Variants in GATA6 observed in about 807,000 individuals in gnomAD.
The protein encoded by GATA6 is GATA binding protein 6.
Under a neutral mutation model 48.1 loss-of-function variants are expected in GATA6, and 11 were observed. The observed-to-expected ratio is 0.23, with a 90% CI of 0.14 to 0.38. The LOEUF (loss-of-function observed/expected upper bound fraction) is 0.38. Among genes scored for constraint, GATA6 ranks in the 10% least tolerant of loss-of-function variants. GATA6 has a pLI of 1.00. For synonymous variants in GATA6, 419 were observed against 396.1 expected, an observed-to-expected ratio of 1.06 and a Z score of -0.69; for missense variants, 795 against 850.3, an observed-to-expected ratio of 0.93 and a Z score of 0.81.
Position 22,171,910 on chromosome 18 carries a change from G to A in GATA6, c.766G>A (p.Ala256Thr), listed in dbSNP as rs1555628783. The change falls in exon 2 of 7, where the codon GCG becomes ACG. Residue 256 changes from alanine (A) to threonine (T), a missense_variant. Coordinates refer to ENST00000269216, the MANE Select transcript of GATA6 (RefSeq NM_005257.6). The surrounding 1 kb of genome is among the most constrained non-coding windows in gnomAD (Gnocchi z 7.1). ...AAGPGGAGSA[A>T]AHVSARFPYS... is the part of the protein sequence containing the mutation. ...GGGGCCTGGCGGCGCTGGCTCAGCC[G>A]CGGCGCACGTCTCGGCGCGCTTCCC... 2.6e-6 allele frequency: 3 copies of A among 1,165,436 alleles called. No individual in the cohort carries two copies. Among genetic ancestry groups the A allele is most frequent in the Non-Finnish European group, 3.2e-6 (3 of 945,886 alleles). The allele number at this position is 1,165,436 out of a possible 1,614,324, so 72.2% of individuals were successfully genotyped here. A position where few individuals can be genotyped will look rare whatever the true frequency, so the allele number is the denominator to read the frequency against.
chr18:22,182,775 A>C lies in GATA6; in HGVS notation c.1447A>C (p.Met483Leu). The part of the protein sequence containing the change: ...KLHGVPRPLA[M>L]KKEGIQTRKR... ...TTTTTAGGTGCCCAGACCACTTGCT[A>C]TGAAAAAAGAGGGAATTCAAACCAG... Residue 483 changes from methionine (M) to leucine (L), a missense_variant, in exon 5 of 7, where the codon ATG becomes CTG. Coordinates refer to ENST00000269216, the MANE Select transcript of GATA6 (RefSeq NM_005257.6). 6.2e-7 allele frequency: 1 copy of C among 1,614,024 alleles called. No homozygotes were observed. Among genetic ancestry groups the C allele is most frequent in the Non-Finnish European group, 8.5e-7 (1 of 1,179,930 alleles).
rs138696588 is a variant in GATA6 at position 22,176,320 on chromosome 18, C to A, written c.1136-635C>A. On this transcript the variant is annotated intron_variant, in intron 2 of 6. Transcript: ENST00000269216. ...CTGTGCTTAACGTTAGTGCATTTTT[C>A]CCCTGAAAAGATGAGAGTAATCTTC... Among the ~76,000 whole-genome samples the A allele has an allele frequency of 3.6e-3, 553 of 152,240 alleles. 7 individuals carry two copies. Among genetic ancestry groups the A allele is most frequent in the African/African-American group, 0.013 (537 of 41,538 alleles).
rs1406739610 is a variant in GATA6 at position 22,171,594 on chromosome 18, C to T, written c.450C>T (p.Thr150=). ...AGCAGCCGGAGGAGATGTACCAGAC[C>T]CTCGCCGCTCTCTCCAGCCAGGGTC... The part of the protein sequence containing the change: ...APEQPEEMYQ[T]LAALSSQGPA... Residue 150 remains threonine, a synonymous_variant, in exon 2 of 7, where the codon ACC becomes ACT. Transcript: ENST00000269216. This position sits in a 1 kb window ranked among gnomAD's most constrained non-coding sequence, Gnocchi z 7.1. The T allele has an allele frequency of 1.2e-6, 2 of 1,601,588 alleles. No homozygotes were observed. Among genetic ancestry groups the T allele is most frequent in the Non-Finnish European group, 1.7e-6 (2 of 1,179,336 alleles).
chr18:22,179,488 A>C (rs1242728816), intron 3 of GATA6, among the ~76,000 whole-genome samples: 1 of 152,222 alleles, frequency 6.6e-6, no homozygotes, highest in Admixed American at 6.5e-5. Flanking sequence ...TCTGCAGTTG[A>C]CAGTCATAAA....
chr18:22,176,766 TG>T, intron 2 of GATA6, 188 bp from the exon 3 acceptor site: 1 of 625,988 alleles, frequency 1.6e-6, no homozygotes, highest in Non-Finnish European at 2.7e-6. Context: ...ATTGGACAAA[TG>T]GTCAGTGGAG....
intron 3 of GATA6, among the ~76,000 whole-genome samples, chr18:22,178,874 G>A (rs2033159399): frequency 6.6e-6 from 1 of 152,112 alleles, no homozygotes; most frequent in African/African-American, 2.4e-5. Context: ...CAATGAAACC[G>A]ATTTATTTTT....
At position 22,200,878 on chromosome 18, in the gene GATA6, G is replaced by T; in HGVS notation, c.*55G>T. The T allele has an allele frequency of 6.5e-7, 1 of 1,548,996 alleles. No individual in the cohort carries two copies. Among genetic ancestry groups the T allele is most frequent in the Non-Finnish European group, 8.8e-7 (1 of 1,142,050 alleles). ...CCGCCGCGGGCCTCACTCCACTCGT[G>T]TCTGCTTTTGTGCAGCGGTCCAGAC... On this transcript the variant is annotated 3_prime_UTR_variant, in exon 7 of 7. Transcript: ENST00000269216.
chr18:22,177,613 G>A (rs2033139998), intron 3 of GATA6, among the ~76,000 whole-genome samples: 1 of 152,106 alleles, frequency 6.6e-6, no homozygotes. Flanking sequence ...CACTGTGTAT[G>A]GTTTAGATTT....
rs527621737 is a variant in GATA6 at position 22,194,152 on chromosome 18, C to T, written c.1621-6504C>T. Among the ~76,000 whole-genome samples the T allele has an allele frequency of 3.3e-5, 5 of 152,314 alleles. No homozygotes were observed. In the South Asian group the frequency reaches 8.3e-4, roughly 25 times the overall value. ...TAGCGGATATTTTCCATGTCCCAATCTGTAGCAGCCCAAGCTCTCCCTGAA... is the reference window on the plus strand; with the variant it reads ...TAGCGGATATTTTCCATGTCCCAATTTGTAGCAGCCCAAGCTCTCCCTGAA... On this transcript the variant is annotated intron_variant, in intron 6 of 6. Transcript: ENST00000269216.
Position 22,171,151 on chromosome 18 carries a change from TTGA to T in GATA6, c.8_10del (p.Leu3_Thr4delinsSer). On this transcript the variant is annotated inframe_deletion, in exon 2 of 7. Coordinates refer to ENST00000269216, the MANE Select transcript of GATA6 (RefSeq NM_005257.6). The surrounding 1 kb of genome is among the most constrained non-coding windows in gnomAD (Gnocchi z 7.1). Reference sequence around the variant, plus strand: ...GAGCGGCGCCGGACCGTGGATGGCCTTGACTGACGGCGGCTGGTGCTTGCCGAA... The same window carrying T: ...GAGCGGCGCCGGACCGTGGATGGCCTCTGACGGCGGCTGGTGCTTGCCGAA... The T allele has an allele frequency of 3.7e-6, 6 of 1,600,248 alleles. No individual in the cohort carries two copies. The highest frequency in any genetic ancestry group is 5.1e-6 in the Non-Finnish European group (6 of 1,179,652).
chr18:22,175,487 C>T (rs943909289), intron 2 of GATA6: 1 of 152,166 alleles, frequency 6.6e-6, no homozygotes, highest in Admixed American at 6.5e-5. Flanking sequence ...CTTCAGTGTC[C>T]TTGAAGACCT....
chr18:22,192,875 T>G (rs1445277516), intron 6 of GATA6, among the ~76,000 whole-genome samples: 1 of 152,232 alleles, frequency 6.6e-6, no homozygotes, highest in Non-Finnish European at 1.5e-5. Flanking sequence ...GTTTGGCGCC[T>G]TTCTTCACCA....
chr18:22,172,070 A>C lies in GATA6; in HGVS notation c.926A>C (p.Gln309Pro). 1 of 1,438,622 alleles carries C rather than the reference A, an allele frequency of 7.0e-7. No homozygotes were observed. The highest frequency in any genetic ancestry group is 9.1e-7 in the Non-Finnish European group (1 of 1,102,022). The allele number at this position is 1,438,622 out of a possible 1,614,324, so 89.1% of individuals were successfully genotyped here. The change falls in exon 2 of 7, where the codon CAG (glutamine) becomes CCG (proline). Residue 309 changes from glutamine (Q) to proline (P), a missense_variant. Gln to Pro is a moderately conservative substitution (Grantham distance 76). Coordinates refer to ENST00000269216, the MANE Select transcript of GATA6 (RefSeq NM_005257.6). This position sits in a 1 kb window ranked among gnomAD's most constrained non-coding sequence, Gnocchi z 5.2. ...SLAAMGGREP[Q>P]YSSLSAARPL... is the part of the protein sequence containing the mutation. ...GCGGCCATGGGCGGCCGCGAGCCCC[A>C]GTACAGCTCGCTGTCGGCCGCGCGG...
intron 6 of GATA6, among the ~76,000 whole-genome samples, chr18:22,194,997 C>G (rs76492003): frequency 0.048 from 7,266 of 152,142 alleles, 576 homozygotes; most frequent in African/African-American, 0.16. Context: ...GAAACCCTAA[C>G]TCTACTAAAA....
chr18:22,177,015 C>T lies in GATA6; in HGVS notation c.1196C>T (p.Pro399Leu). The T allele has an allele frequency of 5.7e-6, 9 of 1,578,138 alleles. No individual in the cohort carries two copies. Among genetic ancestry groups the T allele is most frequent in the Non-Finnish European group, 7.7e-6 (9 of 1,164,102 alleles). Residue 399 changes from proline to leucine, a missense_variant, in exon 3 of 7, where the codon CCG becomes CTG. By Grantham distance (98) the Pro-to-Leu change is moderately conservative. Coordinates refer to ENST00000269216, the MANE Select transcript of GATA6 (RefSeq NM_005257.6). ...GTGAACTGCGGCTCCATCCAGACGC[C>T]GCTGTGGCGGCGGGACGGCACCGGC... ...ECVNCGSIQTPLWRRDGTGHY... is the reference protein window; with the variant it reads ...ECVNCGSIQTLLWRRDGTGHY...
At position 22,201,846 on chromosome 18, in the gene GATA6, CTGA is replaced by C. The variant is rs1367669781; in HGVS notation, c.*1027_*1029del. The C allele has an allele frequency of 1.3e-5, 2 of 152,530 alleles. No homozygotes were observed. Among genetic ancestry groups the C allele is most frequent in the African/African-American group, 4.8e-5 (2 of 41,414 alleles). 9.4% of individuals were successfully genotyped at this position (152,530 alleles called of 1,614,324 possible). On this transcript the variant is annotated 3_prime_UTR_variant, in exon 7 of 7. Transcript: ENST00000269216. Reference sequence around the variant, plus strand: ...AATACTCTAGGTATCTGTAAACACTCTGATGAAGTCTGTATAGTGTGACTAACC... The same window carrying C: ...AATACTCTAGGTATCTGTAAACACTCTGAAGTCTGTATAGTGTGACTAACC...
intron 3 of GATA6, among the ~76,000 whole-genome samples, chr18:22,178,299 G>A (rs533803542): frequency 3.3e-5 from 5 of 152,238 alleles, no homozygotes; most frequent in African/African-American, 1.2e-4. Context: ...CTGATTTCAG[G>A]GATTAATCTC....
rs1275950489 is a variant in GATA6 at position 22,171,402 on chromosome 18, T to G, written c.258T>G (p.His86Gln). The G allele has an allele frequency of 1.3e-6, 2 of 1,588,534 alleles. No individual in the cohort carries two copies. The part of the protein sequence containing the change: ...RSLLLSSYAS[H>Q]PFGAPHGPSA... ...TGCTGCTCAGTTCCTACGCTTCGCA[T>G]CCCTTCGGGGCTCCCCACGGACCTT... is the stretch of plus-strand genomic sequence containing the variant. Residue 86 changes from histidine (H) to glutamine (Q), a missense_variant, in exon 2 of 7, where the codon CAT (histidine) becomes CAG (glutamine). His to Gln is a conservative substitution (Grantham distance 24). Transcript: ENST00000269216. The surrounding 1 kb of genome is among the most constrained non-coding windows in gnomAD (Gnocchi z 7.1).
intron 6 of GATA6, among the ~76,000 whole-genome samples, chr18:22,197,627 A>G (rs1007956284): frequency 6.6e-6 from 1 of 152,186 alleles, no homozygotes; most frequent in Non-Finnish European, 1.5e-5. Context: ...AATGTTTAAC[A>G]TGGCAAGGCA....
Sources: gnomAD v4.1 joint callset for allele counts (sites outside exome capture counted in the v4.1 genomes callset) on GRCh38, gnomAD v4.1.1 for gene constraint, Gnocchi (gnomAD v3.1) non-coding constraint, MANE v1.5 for transcripts, NCBI Gene and HGNC (gene_info 2026-07-23, HGNC 2026-07-21) for gene names.